Variants in NCOA1 observed in about 807,000 individuals in gnomAD.
NCOA1 encodes Hin-2 protein.
NCOA1 carries 35 observed loss-of-function variants against 150.9 expected under a neutral mutation model. The ratio of observed to expected loss-of-function variants is 0.23; its 90% CI spans 0.18 to 0.31. The LOEUF is 0.31. Among genes scored for constraint, NCOA1 ranks in the 10% least tolerant of loss-of-function variants. The probability of loss-of-function intolerance (pLI) is 1.00; values close to 1 mark genes in which losing one functional copy is unlikely to be tolerated. For synonymous variants in NCOA1, 590 were observed against 630.0 expected (o/e 0.94, Z 0.95); for missense variants, 1,491 against 1,749.3 (o/e 0.85, Z 2.63).
intron 1 of NCOA1, among the ~76,000 whole-genome samples, chr2:24,526,138 A>G (rs1219383368): frequency 6.6e-6 from 1 of 152,174 alleles, no homozygotes; most frequent in Non-Finnish European, 1.5e-5. Context: ...GATATTCTCT[A>G]ATTTGTAACT....
intron 3 of NCOA1, among the ~76,000 whole-genome samples, chr2:24,633,162 A>G (rs905893954): frequency 2.0e-5 from 3 of 152,154 alleles, no homozygotes. Context: ...ACACATATAT[A>G]TATACAAATA....
intron 1 of NCOA1, among the ~76,000 whole-genome samples, chr2:24,538,854 GA>G (rs1175437484): frequency 6.6e-6 from 1 of 151,676 alleles, no homozygotes; most frequent in African/African-American, 2.4e-5. Context: ...AGTAGGGGAA[GA>G]AAAAAAATGT....
chr2:24,595,905 T>C (rs1427544970), intron 3 of NCOA1, among the ~76,000 whole-genome samples: 3 of 152,152 alleles, frequency 2.0e-5, no homozygotes, highest in South Asian at 4.1e-4. Context: ...CTGTATATGG[T>C]GTATGTTCTT....
intron 3 of NCOA1, among the ~76,000 whole-genome samples, chr2:24,598,211 T>C (rs1667960678): frequency 6.6e-6 from 1 of 152,202 alleles, no homozygotes; most frequent in Non-Finnish European, 1.5e-5. Flanking sequence ...CTGGGTACAA[T>C]GCCTTAGTTA....
At position 24,701,279 on chromosome 2, in the gene NCOA1, G is replaced by T. The variant is rs1485310528; in HGVS notation, c.949+3481G>T. The stretch of plus-strand genomic sequence containing the variant: ...CAGCCCTTGGGAGGCTGAGACAGGA[G>T]GATTGCTTGAGTCCAGAAGTTCAAG... On this transcript the variant is annotated intron_variant, in intron 11 of 22. Coordinates refer to ENST00000348332, the MANE Select transcript of NCOA1 (RefSeq NM_003743.5). Among the ~76,000 whole-genome samples, 10 of 152,174 alleles carry T rather than the reference G, an allele frequency of 6.6e-5. No homozygotes were observed. The East Asian group carries it at 1.7e-3, about 26-fold the overall frequency.
At chr2:24,724,763 T>C (rs1674524126) in intron 14 of NCOA1, among the ~76,000 whole-genome samples, 2 of 152,282 alleles carry the variant, frequency 1.3e-5, no homozygotes, top group South Asian at 4.1e-4. Context: ...AATTAATTAA[T>C]TTTGGTTATA....
At chr2:24,692,827 A>G (rs1434959418) in intron 9 of NCOA1, among the ~76,000 whole-genome samples, 1 of 152,222 alleles carries the variant, frequency 6.6e-6, no homozygotes, top group African/African-American at 2.4e-5. Context: ...TGATTTCAGT[A>G]TTATGCAATA....
intron 21 of NCOA1, among the ~76,000 whole-genome samples, chr2:24,761,468 T>C (rs966604995): frequency 6.6e-6 from 1 of 152,214 alleles, no homozygotes. Context: ...TTTTTATATC[T>C]TCCATATCTC....
chr2:24,529,525 T>A (rs1002215179), intron 1 of NCOA1, among the ~76,000 whole-genome samples: 1 of 152,064 alleles, frequency 6.6e-6, no homozygotes, highest in Admixed American at 6.5e-5. Flanking sequence ...TTTGTTGATA[T>A]AAGGTATTGC....
rs529309224 is a variant in NCOA1, at chr2:24,492,676, A to G, written c.-396+1074A>G. On this transcript the variant is annotated intron_variant, in intron 1 of 22. Coordinates refer to ENST00000348332, the MANE Select transcript of NCOA1 (RefSeq NM_003743.5). Reference sequence around the variant, plus strand: ...CAGGTGTCCTTGTGCAGAAGGTGACATTTTTTCTTCGGAGACGGTGAGTTT... The same window carrying G: ...CAGGTGTCCTTGTGCAGAAGGTGACGTTTTTTCTTCGGAGACGGTGAGTTT... Among the ~76,000 whole-genome samples the G allele has an allele frequency of 4.6e-4, 70 of 152,116 alleles. 1 individual carries two copies. In the South Asian group the frequency reaches 0.014, roughly 30 times the overall value.
At chr2:24,693,006 G>T (rs370031571) in intron 9 of NCOA1, among the ~76,000 whole-genome samples, 9 of 152,154 alleles carry the variant, frequency 5.9e-5, no homozygotes, top group Admixed American at 1.3e-4. Flanking sequence ...GACTGCAGGC[G>T]CCCGCCACCA....
chr2:24,641,735 C>G (rs1296566381), intron 3 of NCOA1, among the ~76,000 whole-genome samples: 2 of 152,148 alleles, frequency 1.3e-5, no homozygotes, highest in East Asian at 3.9e-4. Flanking sequence ...CCATTTATAT[C>G]TTTGTTTCCT....
intron 20 of NCOA1, among the ~76,000 whole-genome samples, chr2:24,753,053 T>C (rs1411923663): frequency 6.6e-5 from 10 of 152,166 alleles, no homozygotes; most frequent in Non-Finnish European, 4.4e-5. Flanking sequence ...TCTTCTAAAG[T>C]TCATTGAAAG....
intron 3 of NCOA1, among the ~76,000 whole-genome samples, chr2:24,604,844 C>G (rs564292459): frequency 6.6e-6 from 1 of 152,274 alleles, no homozygotes; most frequent in East Asian, 1.9e-4. Context: ...GTGTAAGAGG[C>G]CTAGTTCCAG....
intron 1 of NCOA1, among the ~76,000 whole-genome samples, chr2:24,556,456 G>A (rs188016961): frequency 2.6e-4 from 40 of 152,230 alleles, no homozygotes; most frequent in Non-Finnish European, 5.6e-4. Flanking sequence ...GTGAACATAC[G>A]CTTGCATGTT....
At chr2:24,610,221 T>C (rs1432030623) in intron 3 of NCOA1, among the ~76,000 whole-genome samples, 1 of 151,108 alleles carries the variant, frequency 6.6e-6, no homozygotes, top group Non-Finnish European at 1.5e-5. Context: ...ATCTTCCGGT[T>C]CAAGCGATTC....
intron 19 of NCOA1, among the ~76,000 whole-genome samples, chr2:24,750,903 G>A (rs1664191865): frequency 6.9e-6 from 1 of 145,452 alleles, no homozygotes; most frequent in Admixed American, 6.9e-5. Context: ...GATTAAGTCT[G>A]AATAAAGCTT....
intron 1 of NCOA1, among the ~76,000 whole-genome samples, chr2:24,503,716 CATGT>C (rs2148080735): frequency 6.7e-6 from 1 of 149,562 alleles, no homozygotes; most frequent in Admixed American, 6.6e-5. Context: ...AATTTTTTAT[CATGT>C]ATACTTGTCT....
intron 7 of NCOA1, 50 bp downstream of exon 7, chr2:24,673,513 A>G (rs748066096): frequency 3.6e-6 from 5 of 1,375,004 alleles, no homozygotes; most frequent in African/African-American, 3.0e-5. Context: ...TGTTGTAGCC[A>G]GTTTGGTTTT....
Sources: allele counts gnomAD v4.1 joint callset (sites outside exome capture counted in the v4.1 genomes callset), GRCh38; gene constraint gnomAD v4.1.1; transcripts MANE v1.5; gene names NCBI Gene and HGNC (gene_info 2026-07-23, HGNC 2026-07-21).